Variants in GPHN observed in about 807,000 individuals in gnomAD.
GPHN encodes gephyrin.
GPHN carries 17 observed loss-of-function variants against 95.5 expected under a neutral mutation model. The ratio of observed to expected loss-of-function variants is 0.18; its 90% CI spans 0.12 to 0.27. The LOEUF (loss-of-function observed/expected upper bound fraction) is 0.27, where lower values mean the gene tolerates loss of function less well. Among genes scored for constraint, GPHN ranks in the 10% least tolerant of loss-of-function variants. The pLI, the probability that GPHN is intolerant of heterozygous loss-of-function variation, is 1.00. For synonymous variants in GPHN, 320 were observed against 322.5 expected, an observed-to-expected ratio of 0.99 and a Z score of 0.08; for missense variants, 660 against 978.1, an observed-to-expected ratio of 0.67 and a Z score of 4.34.
intron 1 of GPHN, among the ~76,000 whole-genome samples, chr14:66,668,876 GTT>G (rs1246575934): frequency 1.4e-5 from 2 of 139,240 alleles, no homozygotes; most frequent in Admixed American, 7.2e-5. Context: ...CTTTCCTGCT[GTT>G]TTTTTTTTTT....
chr14:67,038,951 A>C (rs570113493), intron 10 of GPHN, among the ~76,000 whole-genome samples: 16 of 152,192 alleles, frequency 1.1e-4, no homozygotes, highest in Non-Finnish European at 1.9e-4. Flanking sequence ...GTAATAGTTC[A>C]GGCCTTCTGC....
the GPHN span, chr14:67,722,846 G>T: frequency 1.3e-6 from 1 of 794,194 alleles, no homozygotes; most frequent in Non-Finnish European, 2.2e-6. Context: ...AGGAAGGAAG[G>T]GGGTGTTGTG....
intron 21 of GPHN, among the ~76,000 whole-genome samples, chr14:67,170,089 T>TA (rs773127342): frequency 1.3e-5 from 2 of 151,884 alleles, no homozygotes; most frequent in Non-Finnish European, 2.9e-5. Context: ...AAAATAAAAA[T>TA]AAAAAGATAA....
the GPHN span, chr14:67,320,988 C>A: frequency 7.7e-7 from 1 of 1,293,234 alleles, no homozygotes. Flanking sequence ...TTCTTTCTGA[C>A]TAGCAGAATT....
At chr14:67,670,522 C>T in the GPHN span, among the ~76,000 whole-genome samples, 52 of 152,048 alleles carry the variant, frequency 3.4e-4, no homozygotes, top group African/African-American at 1.2e-3. Context: ...TCTCAGAGAA[C>T]TTTATTTTAG....
chr14:66,527,494 C>T (rs945325646), intron 1 of GPHN, among the ~76,000 whole-genome samples: 3 of 150,092 alleles, frequency 2.0e-5, no homozygotes, highest in Admixed American at 6.6e-5. Context: ...TTAGTTATTT[C>T]GTGTCTTCTG....
chr14:66,723,063 T>C (rs559992027), intron 2 of GPHN, among the ~76,000 whole-genome samples: 2 of 152,122 alleles, frequency 1.3e-5, no homozygotes, highest in Non-Finnish European at 2.9e-5. Flanking sequence ...TTAGATTTTT[T>C]TGTGTGTGTG....
At chr14:67,600,358 G>A in the GPHN span, 12 of 612,210 alleles carry the variant, frequency 2.0e-5, no homozygotes, top group Non-Finnish European at 2.1e-5. Context: ...GCTCTGCTGG[G>A]GGCTGATGGT....
intron 4 of GPHN, among the ~76,000 whole-genome samples, chr14:66,855,586 A>G (rs2062768782): frequency 6.6e-6 from 1 of 152,204 alleles, no homozygotes; most frequent in Non-Finnish European, 1.5e-5. Context: ...GCTGTTGTGA[A>G]CATTGGCAAA....
intron 10 of GPHN, among the ~76,000 whole-genome samples, chr14:67,032,425 G>A (rs1465483684): frequency 6.6e-6 from 1 of 152,164 alleles, no homozygotes; most frequent in East Asian, 1.9e-4. Flanking sequence ...CACTCAGGAG[G>A]GAGAGAGAAG....
intron 9 of GPHN, among the ~76,000 whole-genome samples, chr14:67,000,287 G>A (rs761787053): frequency 2.0e-5 from 3 of 151,482 alleles, no homozygotes; most frequent in Non-Finnish European, 3.0e-5. Flanking sequence ...AAAGAAGGGA[G>A]AGAGGAAAAA....
At chr14:67,252,604 T>C in the GPHN span, among the ~76,000 whole-genome samples, 1 of 152,146 alleles carries the variant, frequency 6.6e-6, no homozygotes. Context: ...TGGGATCTGA[T>C]TGTAACTCCA....
intron 2 of GPHN, among the ~76,000 whole-genome samples, chr14:66,763,977 C>T (rs376430717): frequency 1.2e-3 from 185 of 152,296 alleles, no homozygotes; most frequent in African/African-American, 4.1e-3. Flanking sequence ...CTGCCACTGT[C>T]TCCCATCACC....
the GPHN span, among the ~76,000 whole-genome samples, chr14:67,202,099 G>A: frequency 2.5e-4 from 38 of 152,298 alleles, no homozygotes; most frequent in African/African-American, 8.9e-4. Context: ...CGATTGGTAC[G>A]TGTTCAGGAA....
chr14:67,337,501 A>G, the GPHN span: 1 of 151,206 alleles, frequency 6.6e-6, no homozygotes. Flanking sequence ...CTACAGAATG[A>G]GTGAGACTCT....
At chr14:66,538,418 C>T (rs980112371) in intron 1 of GPHN, among the ~76,000 whole-genome samples, 5 of 150,636 alleles carry the variant, frequency 3.3e-5, no homozygotes, top group South Asian at 2.1e-4. Flanking sequence ...CTGTGTTAGG[C>T]GTTTTGACTG....
At chr14:67,527,392 C>G in the GPHN span, among the ~76,000 whole-genome samples, 24 of 152,198 alleles carry the variant, frequency 1.6e-4, no homozygotes, top group Admixed American at 6.5e-4. Context: ...GAGCCGATAT[C>G]GCACCATTGC....
chr14:66,983,206 C>T (rs1287456105), intron 9 of GPHN, among the ~76,000 whole-genome samples: 3 of 152,204 alleles, frequency 2.0e-5, no homozygotes, highest in African/African-American at 7.2e-5. Context: ...GAGCTGAGAT[C>T]ATGCCACTGC....
At chr14:67,588,170 A>C in the GPHN span, 1 of 152,656 alleles carries the variant, frequency 6.6e-6, no homozygotes, top group African/African-American at 2.4e-5. Flanking sequence ...AGTACCACGC[A>C]ATGTGCAAGC....
Sources: gnomAD v4.1 joint callset for allele counts (sites outside exome capture counted in the v4.1 genomes callset) on GRCh38, gnomAD v4.1.1 for gene constraint, MANE v1.5 for transcripts, NCBI Gene and HGNC (gene_info 2026-07-23, HGNC 2026-07-21) for gene names.